Variants in SYT6 observed in about 807,000 individuals in gnomAD.
SYT6 encodes the protein synaptotagmin-6.
Under a neutral mutation model 38.4 loss-of-function variants are expected in SYT6, and 24 were observed. The ratio of observed to expected loss-of-function variants is 0.62; its 90% CI spans 0.45 to 0.88. SYT6 has a LOEUF of 0.88. Ranked by LOEUF, SYT6 falls within the 40% of genes least tolerant of loss-of-function variation. The pLI is 0.00. For synonymous variants in SYT6, 265 were observed against 241.9 expected, an observed-to-expected ratio of 1.10 and a Z score of -0.89; for missense variants, 611 against 621.0, an observed-to-expected ratio of 0.98 and a Z score of 0.17.
At chr1:114,137,244 G>A (rs1466608054) in intron 3 of SYT6, among the ~76,000 whole-genome samples, 1 of 152,156 alleles carries the variant, frequency 6.6e-6, no homozygotes, top group African/African-American at 2.4e-5. Flanking sequence ...AACCACCCCA[G>A]AACATGCAAC....
intron 3 of SYT6, among the ~76,000 whole-genome samples, chr1:114,105,554 C>A (rs1369439582): frequency 6.6e-6 from 1 of 151,930 alleles, no homozygotes; most frequent in East Asian, 2.0e-4. Flanking sequence ...GTGGAGACAG[C>A]CACCCCTCCT....
chr1:114,129,616 C>CTTTCCTTTCTTT (rs767321115), intron 3 of SYT6, among the ~76,000 whole-genome samples: 3 of 58,912 alleles, frequency 5.1e-5, no homozygotes, highest in Non-Finnish European at 7.7e-5. Flanking sequence ...TTCTTTCTTT[C>CTTTCCTTTCTTT]CTTTCTTTCT....
intron 3 of SYT6, among the ~76,000 whole-genome samples, chr1:114,115,278 C>T (rs1571849571): frequency 6.6e-6 from 1 of 152,186 alleles, no homozygotes; most frequent in African/African-American, 2.4e-5. Context: ...CAATTGAACA[C>T]GAATACTCTG....
At chr1:114,136,347 T>G (rs1225565592) in intron 3 of SYT6, among the ~76,000 whole-genome samples, 1 of 152,054 alleles carries the variant, frequency 6.6e-6, no homozygotes. Context: ...AGAGATATAG[T>G]GGAGGAAATA....
At chr1:114,109,069 C>T (rs182421726) in intron 3 of SYT6, among the ~76,000 whole-genome samples, 3 of 152,196 alleles carry the variant, frequency 2.0e-5, no homozygotes, top group African/African-American at 7.2e-5. Flanking sequence ...CTAAAGAAAC[C>T]CCGCATTGTA....
intron 3 of SYT6, among the ~76,000 whole-genome samples, chr1:114,118,990 G>T (rs1677183619): frequency 6.6e-6 from 1 of 152,200 alleles, no homozygotes; most frequent in Non-Finnish European, 1.5e-5. Context: ...CCATTGTTCT[G>T]CAGGGCATCC....
chr1:114,132,337 C>T (rs925786974), intron 3 of SYT6, among the ~76,000 whole-genome samples: 5 of 152,178 alleles, frequency 3.3e-5, no homozygotes, highest in African/African-American at 4.8e-5. Context: ...ACATTCCCCA[C>T]GGGCTTGAAG....
At chr1:114,131,001 C>T (rs371526250) in intron 3 of SYT6, among the ~76,000 whole-genome samples, 2 of 152,096 alleles carry the variant, frequency 1.3e-5, no homozygotes, top group Admixed American at 6.5e-5. Context: ...GGATCTCATT[C>T]GACTTGAGTG....
chr1:114,097,681 C>A, intron 6 of SYT6, 46 bp downstream of exon 6: 2 of 1,601,732 alleles, frequency 1.2e-6, no homozygotes, highest in Non-Finnish European at 1.7e-6. Flanking sequence ...CTCCAGCCCA[C>A]ACTGCCATGC....
chr1:114,117,508 T>A (rs1455632577), intron 3 of SYT6, among the ~76,000 whole-genome samples: 2 of 151,986 alleles, frequency 1.3e-5, no homozygotes, highest in East Asian at 3.9e-4. Flanking sequence ...TGTTCCTGGG[T>A]AGAGGGTGGG....
chr1:114,110,014 C>T lies in SYT6; in HGVS notation c.1072-6293G>A, dbSNP rs1338982976. Among the ~76,000 whole-genome samples the T allele has an allele frequency of 3.3e-5, 5 of 152,276 alleles. 1 individual carries two copies. Among genetic ancestry groups the T allele is most frequent in the South Asian group, 2.1e-4 (1 of 4,826 alleles). On this transcript the variant is annotated intron_variant, in intron 3 of 7. Transcript: ENST00000610222. ...GCTGACAGCATGGTGATGACAGGGGCGGAGAGCTCCCAGATGAGGCTAGAA... is the reference window on the plus strand; with the variant it reads ...GCTGACAGCATGGTGATGACAGGGGTGGAGAGCTCCCAGATGAGGCTAGAA...
rs115598885 is a variant in SYT6 at position 114,096,199 on chromosome 1, G to A, written c.1515+1528C>T. On this transcript the variant is annotated intron_variant, in intron 6 of 7. Coordinates refer to ENST00000610222, the MANE Select transcript of SYT6 (RefSeq NM_001253772.2). ...GGATGCTGTCTGCAGGTTGTCTAGC[G>A]TTCTGCCCAGCAGTGCCTCCTGTAT... 1.0e-3 allele frequency among the ~76,000 whole-genome samples: 157 copies of A among 152,064 alleles called. 1 individual carries two copies. The highest frequency in any genetic ancestry group is 3.6e-3 in the African/African-American group (149 of 41,402).
intron 3 of SYT6, among the ~76,000 whole-genome samples, chr1:114,125,126 A>C (rs1289281952): frequency 6.6e-6 from 1 of 152,220 alleles, no homozygotes; most frequent in Admixed American, 6.5e-5. Context: ...AGGTTTTGTG[A>C]AGAAAACATA....
chr1:114,141,037 G>A (rs896399008), intron 1 of SYT6, among the ~76,000 whole-genome samples: 2 of 152,062 alleles, frequency 1.3e-5, no homozygotes, highest in Non-Finnish European at 2.9e-5. Context: ...CTCTCCTTAG[G>A]CCTCTCTATT....
At chr1:114,145,504 T>TG (rs1491020620) in intron 1 of SYT6, among the ~76,000 whole-genome samples, 2 of 33,294 alleles carry the variant, frequency 6.0e-5, no homozygotes, top group African/African-American at 3.0e-4. Flanking sequence ...GGTATTAAGT[T>TG]TTTTTTTTTT....
At chr1:114,115,171 T>C (rs188499089) in intron 3 of SYT6, among the ~76,000 whole-genome samples, 30 of 152,300 alleles carry the variant, frequency 2.0e-4, no homozygotes, top group African/African-American at 6.7e-4. Context: ...TCTTGGGCCC[T>C]ACCCTCACCA....
At chr1:114,152,172 A>G (rs920010545) in intron 1 of SYT6, 13 of 151,938 alleles carry the variant, frequency 8.6e-5, no homozygotes, top group African/African-American at 3.1e-4. Context: ...GAAAGAAAAC[A>G]GGACCCTGGG....
chr1:114,104,098 A>T (rs1449422752), intron 3 of SYT6, among the ~76,000 whole-genome samples: 2 of 151,424 alleles, frequency 1.3e-5, no homozygotes, highest in Non-Finnish European at 2.9e-5. Context: ...TCAGTCACTG[A>T]CCCCCTTGAC....
chr1:114,115,215 C>T (rs925842129), intron 3 of SYT6, among the ~76,000 whole-genome samples: 2 of 152,130 alleles, frequency 1.3e-5, no homozygotes, highest in African/African-American at 2.4e-5. Flanking sequence ...TTTAACATGC[C>T]CCAGGGAAGT....
Sources: gnomAD v4.1 joint callset for allele counts (sites outside exome capture counted in the v4.1 genomes callset) on GRCh38, gnomAD v4.1.1 for gene constraint, MANE v1.5 for transcripts, NCBI Gene and HGNC (gene_info 2026-07-23, HGNC 2026-07-21) for gene names.